The following XKR4 variants were observed in gnomAD, a reference collection of about 807,000 sequenced individuals.
XKR4 encodes XK-related protein 4.
Under a neutral mutation model 53.9 loss-of-function variants are expected in XKR4, and 12 were observed. The observed-to-expected ratio is 0.22, with a 90% CI of 0.14 to 0.36. The LOEUF is 0.36. Ranked by LOEUF, XKR4 falls within the 10% of genes least tolerant of loss-of-function variation. XKR4 has a pLI of 1.00. For synonymous variants in XKR4, 354 were observed against 362.4 expected, an observed-to-expected ratio of 0.98 and a Z score of 0.26; for missense variants, 799 against 859.5, an observed-to-expected ratio of 0.93 and a Z score of 0.88.
rs139261249 is a variant in XKR4 at position 55,257,212 on chromosome 8, C to T, written c.807-100466C>T. Among the ~76,000 whole-genome samples the T allele has an allele frequency of 2.1e-4, 32 of 152,282 alleles. No homozygotes were observed. In the East Asian group the frequency reaches 6.2e-3, roughly 29 times the overall value. ...GGAGCAGATTAAAGCCCATATATAG[C>T]TTCATTACATATTCTAAGGCTTCCT... On this transcript the variant is annotated intron_variant, in intron 1 of 2. Transcript: ENST00000327381.
intron 2 of XKR4, among the ~76,000 whole-genome samples, chr8:55,477,423 G>A (rs1313996450): frequency 1.3e-5 from 2 of 152,048 alleles, no homozygotes; most frequent in Non-Finnish European, 2.9e-5. Flanking sequence ...CATCAACAAA[G>A]ACCAAAAGTA....
chr8:55,229,193 G>A (rs994848171), intron 1 of XKR4, among the ~76,000 whole-genome samples: 16 of 152,178 alleles, frequency 1.1e-4, no homozygotes, highest in Admixed American at 9.8e-4. Context: ...AGGCAGCCAT[G>A]GAGCCTGCCC....
At chr8:55,376,975 C>CACACACACACACAG (rs1554521135) in intron 2 of XKR4, among the ~76,000 whole-genome samples, 1 of 151,290 alleles carries the variant, frequency 6.6e-6, no homozygotes, top group Non-Finnish European at 1.5e-5. Flanking sequence ...CACACACACA[C>CACACACACACACAG]AGAGAGAGAG....
intron 1 of XKR4, among the ~76,000 whole-genome samples, chr8:55,145,032 A>T (rs1411135233): frequency 6.6e-6 from 1 of 151,910 alleles, no homozygotes; most frequent in African/African-American, 2.4e-5. Context: ...GAGTTTCATC[A>T]TGTTGGCCAA....
intron 1 of XKR4, among the ~76,000 whole-genome samples, chr8:55,212,075 T>C (rs1434401153): frequency 6.6e-6 from 1 of 151,298 alleles, no homozygotes; most frequent in African/African-American, 2.4e-5. Flanking sequence ...AATTGGTGTT[T>C]ATCTAAAGAC....
chr8:55,464,280 G>A (rs1805717657), intron 2 of XKR4, among the ~76,000 whole-genome samples: 2 of 152,244 alleles, frequency 1.3e-5, no homozygotes, highest in South Asian at 4.1e-4. Flanking sequence ...TATCCACCAT[G>A]ATCAAGTGGG....
chr8:55,449,966 C>T, intron 2 of XKR4: 6 of 830,186 alleles, frequency 7.2e-6, no homozygotes, highest in South Asian at 5.5e-5. Context: ...GTGGAGCCCA[C>T]GGGTTCCTCC....
intron 1 of XKR4, chr8:55,142,469 A>T (rs1673640359): frequency 5.7e-6 from 1 of 176,654 alleles, no homozygotes; most frequent in Non-Finnish European, 1.2e-5. Context: ...TCCAAACCAC[A>T]TGCAGGCCAA....
chr8:55,314,680 A>T (rs1819438354), intron 1 of XKR4, among the ~76,000 whole-genome samples: 1 of 152,196 alleles, frequency 6.6e-6, no homozygotes, highest in Non-Finnish European at 1.5e-5. Flanking sequence ...TAAACTACTA[A>T]AGAGAGAAAG....
At chr8:55,452,162 G>T in intron 2 of XKR4, 1 of 725,690 alleles carries the variant, frequency 1.4e-6, no homozygotes, top group Non-Finnish European at 2.4e-6. Context: ...GCAGCTGCTT[G>T]CAGAAGAGCT....
intron 2 of XKR4, among the ~76,000 whole-genome samples, chr8:55,390,764 G>A (rs1267611019): frequency 2.6e-5 from 4 of 152,124 alleles, no homozygotes; most frequent in Non-Finnish European, 5.9e-5. Flanking sequence ...CCCTGTACCT[G>A]GGCAGTGGCC....
At chr8:55,371,735 T>A (rs1318591337) in intron 2 of XKR4, among the ~76,000 whole-genome samples, 6 of 152,320 alleles carry the variant, frequency 3.9e-5, no homozygotes, top group Non-Finnish European at 8.8e-5. Context: ...TATTTCACAT[T>A]CAGTAGTCTC....
chr8:55,102,666 G>A lies in XKR4; in HGVS notation c.178G>A (p.Gly60Ser), dbSNP rs752066905. 5 of 1,248,400 alleles carry A rather than the reference G, an allele frequency of 4.0e-6. No homozygotes were observed. In the South Asian group the frequency reaches 9.3e-5, roughly 23 times the overall value. The allele number at this position is 1,248,400 out of a possible 1,614,324, so 77.3% of individuals were successfully genotyped here. A position where few individuals can be genotyped will look rare whatever the true frequency, so the allele number is the denominator to read the frequency against. ...AGGGCCPDGG[G>S]CSRCCCCCAG... ...GGGCGGCTGCTGCCCGGACGGCGGC[G>A]GCTGCTCGCGCTGCTGCTGCTGCTG... The change falls in exon 1 of 3, where the codon GGC becomes AGC. Residue 60 changes from glycine (G) to serine (S), a missense_variant. This residue lies in a region of XKR4 where 476 missense variants were observed against 505.4 expected (regional missense o/e 0.94). Coordinates refer to ENST00000327381, the MANE Select transcript of XKR4 (RefSeq NM_052898.2). This position sits in a 1 kb window ranked among gnomAD's most constrained non-coding sequence, Gnocchi z 5.1.
chr8:55,164,696 T>A (rs1444860193), intron 1 of XKR4: 1 of 299,928 alleles, frequency 3.3e-6, no homozygotes, highest in Non-Finnish European at 6.7e-6. Context: ...TAAGATCAAG[T>A]CAAATCAAAC....
chr8:55,211,834 A>G (rs1467311525), intron 1 of XKR4, among the ~76,000 whole-genome samples: 1 of 152,266 alleles, frequency 6.6e-6, no homozygotes, highest in African/African-American at 2.4e-5. Context: ...TCAAGCAAAT[A>G]TGAGGACCAT....
intron 2 of XKR4, among the ~76,000 whole-genome samples, chr8:55,459,185 A>G (rs2929032): frequency 0.49 from 74,526 of 151,944 alleles, 18,874 homozygotes; most frequent in Admixed American, 0.55. Context: ...AAAGGAGAGT[A>G]ATTTCAACAA....
At position 55,152,280 on chromosome 8, in the gene XKR4, T is replaced by G. The variant is rs74325976; in HGVS notation, c.806+48986T>G. 2.8e-3 allele frequency among the ~76,000 whole-genome samples: 428 copies of G among 152,296 alleles called. 14 individuals are homozygous for G. The East Asian group carries it at 0.071, about 25-fold the overall frequency. On this transcript the variant is annotated intron_variant, in intron 1 of 2. Coordinates refer to ENST00000327381, the MANE Select transcript of XKR4 (RefSeq NM_052898.2). Reference sequence around the variant, plus strand: ...TACTAGCTTTGATAGTTTTATTATCTTTACATTTCCATACTGTTTAAAGTT... The same window carrying G: ...TACTAGCTTTGATAGTTTTATTATCGTTACATTTCCATACTGTTTAAAGTT...
At chr8:55,355,551 G>A (rs946558733) in intron 1 of XKR4, among the ~76,000 whole-genome samples, 2 of 152,122 alleles carry the variant, frequency 1.3e-5, no homozygotes, top group Non-Finnish European at 2.9e-5. Context: ...CAGAACAGCC[G>A]ATATCAAGGT....
chr8:55,473,559 G>A (rs1805923796), intron 2 of XKR4, among the ~76,000 whole-genome samples: 1 of 152,084 alleles, frequency 6.6e-6, no homozygotes, highest in African/African-American at 2.4e-5. Flanking sequence ...CAGCCAAACA[G>A]AAAGGCAGAC....
Sources: gnomAD v4.1 joint callset for allele counts (sites outside exome capture counted in the v4.1 genomes callset) on GRCh38, gnomAD v4.1.1 for gene constraint, gnomAD v4.1.1 regional missense constraint, Gnocchi (gnomAD v3.1) non-coding constraint, MANE v1.5 for transcripts, NCBI Gene and HGNC (gene_info 2026-07-23, HGNC 2026-07-21) for gene names.